CHORDC1: variants seen among roughly 807,000 people sequenced by gnomAD.
The protein encoded by CHORDC1 is cysteine and histidine-rich domain-containing protein 1.
A neutral mutation model predicts 48.3 loss-of-function variants in CHORDC1; 25 were observed. The observed-to-expected ratio is 0.52, with a 90% confidence interval of 0.38 to 0.72. The LOEUF (loss-of-function observed/expected upper bound fraction) is 0.72. CHORDC1 is among the 30% of genes least tolerant of loss of function. The pLI, the probability that CHORDC1 is intolerant of heterozygous loss-of-function variation, is 0.00. For synonymous variants in CHORDC1, 128 were observed against 126.4 expected (o/e 1.01, Z -0.09); for missense variants, 317 against 388.7 (o/e 0.82, Z 1.55).
intron 7 of CHORDC1, chr11:90,205,813 T>C: frequency 2.1e-6 from 1 of 477,414 alleles, no homozygotes; most frequent in Non-Finnish European, 3.7e-6. Flanking sequence ...GGCTCTCAAC[T>C]GCAGGATGCG....
chr11:90,218,293 A>G, intron 1 of CHORDC1, 109 bp from the exon 2 acceptor site: 1 of 727,668 alleles, frequency 1.4e-6, no homozygotes, highest in South Asian at 2.1e-5. Context: ...TCCAAACGCA[A>G]GTACCTTAAA....
At chr11:90,211,077 A>G (rs913972178) in intron 5 of CHORDC1, 138 bp downstream of exon 5, 18 of 544,528 alleles carry the variant, frequency 3.3e-5, no homozygotes, top group Non-Finnish European at 6.5e-6. Context: ...ATCATATCTG[A>G]CATTTAGAAG....
Position 90,211,291 on chromosome 11 carries a change from T to C in CHORDC1, c.357A>G (p.Glu119=). ...PSPDEPMTNL[E]LKISASLKQA... ...GTTTTAGGGAGGCAGATATTTTTAA[T>C]TCCAAATTTGTCATTGGTTCATCTG... The change falls in exon 5 of 11, where the codon GAA becomes GAG. Residue 119 remains glutamate, a synonymous_variant. Transcript: ENST00000320585. The C allele has an allele frequency of 1.2e-6, 2 of 1,609,048 alleles. No homozygotes were observed. The highest frequency in any genetic ancestry group is 1.7e-6 in the Non-Finnish European group (2 of 1,176,154).
chr11:90,206,334 A>G, intron 6 of CHORDC1, 62 bp from the exon 7 acceptor site: 1 of 904,790 alleles, frequency 1.1e-6, no homozygotes. Flanking sequence ...TCTCATACAT[A>G]TTTGCAGTAT....
In CHORDC1 at chr11:90,211,284, T is replaced by A; in HGVS notation, c.364A>T (p.Ile122Leu). Reference sequence around the variant, plus strand: ...AGTGCTTGTTTTAGGGAGGCAGATATTTTTAATTCCAAATTTGTCATTGGT... The same window carrying A: ...AGTGCTTGTTTTAGGGAGGCAGATAATTTTAATTCCAAATTTGTCATTGGT... The part of the protein sequence containing the change: ...DEPMTNLELK[I>L]SASLKQALDK... Residue 122 changes from isoleucine (I) to leucine (L), a missense_variant, in exon 5 of 11, where the codon ATA (isoleucine) becomes TTA (leucine). Coordinates refer to ENST00000320585, the MANE Select transcript of CHORDC1 (RefSeq NM_012124.3). The A allele has an allele frequency of 6.2e-7, 1 of 1,609,396 alleles. No individual in the cohort carries two copies. The highest frequency in any genetic ancestry group is 8.5e-7 in the Non-Finnish European group (1 of 1,176,494).
chr11:90,203,499 C>A, intron 8 of CHORDC1, 72 bp from the exon 9 acceptor site: 1 of 1,421,172 alleles, frequency 7.0e-7, no homozygotes, highest in Non-Finnish European at 9.5e-7. Flanking sequence ...AGGAATTTGA[C>A]CCATCTGAGA....
chr11:90,214,556 C>G (rs963277432), intron 3 of CHORDC1, among the ~76,000 whole-genome samples: 1 of 151,912 alleles, frequency 6.6e-6, no homozygotes, highest in Non-Finnish European at 1.5e-5. Flanking sequence ...AGTTATATGA[C>G]CTTAAGCAAG....
intron 5 of CHORDC1, 166 bp from the exon 6 acceptor site, chr11:90,210,760 T>C: frequency 3.4e-6 from 2 of 584,226 alleles, no homozygotes; most frequent in Non-Finnish European, 6.1e-6. Context: ...TCTTCTTCTT[T>C]TGAGGACCTG....
At chr11:90,222,859 G>T in intron 1 of CHORDC1, 32 bp downstream of exon 1, 1 of 1,596,944 alleles carries the variant, frequency 6.3e-7, no homozygotes, top group Non-Finnish European at 8.6e-7. Flanking sequence ...TGAGGTGGAG[G>T]GGAGGGAGGG....
chr11:90,207,007 A>G, intron 6 of CHORDC1: 1 of 336,940 alleles, frequency 3.0e-6, no homozygotes, highest in Non-Finnish European at 5.8e-6. Flanking sequence ...TCAGTATGTT[A>G]GCATCTACTA....
intron 6 of CHORDC1, 130 bp downstream of exon 6, chr11:90,210,406 C>T: frequency 1.6e-6 from 1 of 642,038 alleles, no homozygotes. Flanking sequence ...ATGATTGTAG[C>T]CCTAGTCCCC....
At chr11:90,205,960 G>T in intron 7 of CHORDC1, 1 of 510,340 alleles carries the variant, frequency 2.0e-6, no homozygotes, top group Non-Finnish European at 3.5e-6. Flanking sequence ...TACAGAATAT[G>T]AAGAAAAACA....
chr11:90,200,734 A>G lies in CHORDC1; in HGVS notation c.*1671T>C, dbSNP rs1255011044. 3.3e-5 allele frequency among the ~76,000 whole-genome samples: 5 copies of G among 151,992 alleles called. No homozygotes were observed. In the East Asian group the frequency reaches 7.7e-4, roughly 23 times the overall value. ...ACTCACTGCTTCAAATAATATTTCA[A>G]TTACATGTAACAGATTAAGATACTG... On this transcript the variant is annotated 3_prime_UTR_variant, in exon 11 of 11. Coordinates refer to ENST00000320585, the MANE Select transcript of CHORDC1 (RefSeq NM_012124.3).
Position 90,214,043 on chromosome 11 carries a change from G to C in CHORDC1, c.304C>G (p.Pro102Ala). 1 of 1,613,004 alleles carries C rather than the reference G, an allele frequency of 6.2e-7. No homozygotes were observed. The highest frequency in any genetic ancestry group is 8.5e-7 in the Non-Finnish European group (1 of 1,179,430). Residue 102 changes from proline (P) to alanine (A), a missense_variant, in exon 4 of 11, where the codon CCA becomes GCA. Transcript: ENST00000320585. ...FQEHIIQAPK[P>A]VEAIKRPSPD... ...CTTGGTCTTTTTATTGCTTCTACTG[G>C]CTTAGGGGCTTGAATGATGTGTTCC...
rs1857586556 is a variant in CHORDC1 at position 90,203,299 on chromosome 11, TGTAC to T, written c.789+5_789+8del. ...AGAACTTTTACCCAAAATTATAAGA[TGTAC>T]TTACCAATGTGCTATTTGCTTCTAC... On this transcript the variant is annotated splice_donor_5th_base_variant and intron_variant, in intron 9 of 10. Transcript: ENST00000320585. 1 of 1,567,212 alleles carries T rather than the reference TGTAC, an allele frequency of 6.4e-7. No homozygotes were observed. Among genetic ancestry groups the T allele is most frequent in the Non-Finnish European group, 8.7e-7 (1 of 1,148,012 alleles).
intron 4 of CHORDC1, 164 bp from the exon 5 acceptor site, chr11:90,211,482 A>G: frequency 1.8e-6 from 1 of 541,324 alleles, no homozygotes; most frequent in East Asian, 3.6e-5. Context: ...GTTACAATGT[A>G]TCTACATTCT....
chr11:90,208,112 T>A (rs948806534), intron 6 of CHORDC1: 1 of 152,012 alleles, frequency 6.6e-6, no homozygotes, highest in South Asian at 2.1e-4. Context: ...AATGTGTATA[T>A]GTGTCACAAA....
At chr11:90,222,012 G>A (rs1858183831) in intron 1 of CHORDC1, among the ~76,000 whole-genome samples, 2 of 152,156 alleles carry the variant, frequency 1.3e-5, no homozygotes, top group African/African-American at 4.8e-5. Context: ...AAGCAATAAT[G>A]GCTGGCATGC....
intron 2 of CHORDC1, among the ~76,000 whole-genome samples, chr11:90,217,105 C>T (rs1245855614): frequency 6.6e-6 from 1 of 152,122 alleles, no homozygotes; most frequent in Non-Finnish European, 1.5e-5. Context: ...TCAACTTGCC[C>T]TACTGAATGT....
Sources: allele counts gnomAD v4.1 joint callset (sites outside exome capture counted in the v4.1 genomes callset), GRCh38; gene constraint gnomAD v4.1.1; transcripts MANE v1.5; gene names NCBI Gene and HGNC (gene_info 2026-07-23, HGNC 2026-07-21).